RPL14: variants seen among roughly 807,000 people sequenced by gnomAD.
RPL14 encodes the protein ribosomal protein L14.
Under a neutral mutation model 25.3 loss-of-function variants are expected in RPL14, and 4 were observed. The ratio of observed to expected loss-of-function variants is 0.16; its 90% CI spans 0.08 to 0.36. RPL14 has a LOEUF of 0.36. Among genes scored for constraint, RPL14 ranks in the 10% least tolerant of loss-of-function variants. RPL14 has a pLI of 1.00. For missense variants in RPL14, 212 were observed against 261.9 expected (o/e 0.81, Z 1.31); for synonymous variants, 75 against 89.8 (o/e 0.84, Z 0.93).
chr3:40,458,267 A>C, intron 2 of RPL14: 1 of 542,214 alleles, frequency 1.8e-6, no homozygotes, highest in Non-Finnish European at 3.3e-6. Flanking sequence ...AGTTTAGAAC[A>C]GATCCAGCAC....
At chr3:40,458,333 TTGACCACTGACTATAAA>T in intron 2 of RPL14, 1 of 512,678 alleles carries the variant, frequency 2.0e-6, no homozygotes, top group Non-Finnish European at 3.5e-6. Flanking sequence ...AACTAAGGAG[TTGACCACTGACTATAAA>T]TCAGCAGGGA....
Position 40,462,258 on chromosome 3 carries a change from G to A in RPL14, c.*26G>A. 1 of 1,560,624 alleles carries A rather than the reference G, an allele frequency of 6.4e-7. No individual in the cohort carries two copies. The highest frequency in any genetic ancestry group is 8.6e-7 in the Non-Finnish European group (1 of 1,158,456). On this transcript the variant is annotated 3_prime_UTR_variant, in exon 6 of 6. Transcript: ENST00000396203. ...GTGGCAATCATAAAAAGTAATAAAG[G>A]TTCTTTTTGACCTGTTGACAAATGT...
At position 40,457,390 on chromosome 3, in the gene RPL14, G is replaced by T. The variant is rs760050758; in HGVS notation, c.-82G>T. The T allele has an allele frequency of 3.1e-6, 5 of 1,602,762 alleles. No homozygotes were observed. Among genetic ancestry groups the T allele is most frequent in the Non-Finnish European group, 4.3e-6 (5 of 1,174,316 alleles). On this transcript the variant is annotated 5_prime_UTR_variant, in exon 1 of 6. Coordinates refer to ENST00000396203, the MANE Select transcript of RPL14 (RefSeq NM_001034996.3). ...TGAGTCTTACTGTTGCGGGCTCCGG[G>T]GCCGTCGACCATGCCGCTCGACCTC...
chr3:40,462,029 ACTGCTGCTG>A lies in RPL14; in HGVS notation c.469_477del (p.Ala157_Ala159del), dbSNP rs57354599. The A allele has an allele frequency of 0.011, 17,456 of 1,555,830 alleles. 390 individuals carry two copies. Among genetic ancestry groups the A allele is most frequent in the African/African-American group, 0.097 (6,883 of 71,256 alleles). On this transcript the variant is annotated inframe_deletion, in exon 6 of 6. Transcript: ENST00000396203. ...CAAAAAAGCACCTGGTACTAAGGGT[ACTGCTGCTG>A]CTGCTGCTGCTGCTGCTGCTGCTAA...
chr3:40,457,657 C>T, intron 1 of RPL14, 183 bp downstream of exon 1: 2 of 666,424 alleles, frequency 3.0e-6, no homozygotes, highest in African/African-American at 3.6e-5. Context: ...AGAGCCTTGT[C>T]CTGCCGTGTG....
intron 3 of RPL14, among the ~76,000 whole-genome samples, chr3:40,460,820 G>T (rs1559528713): frequency 6.6e-6 from 1 of 152,106 alleles, no homozygotes; most frequent in Non-Finnish European, 1.5e-5. Context: ...GACCTCAGGT[G>T]ATCCACCCAT....
rs1474653344 is a variant in RPL14, at chr3:40,464,318, G to T, written c.*2086G>T. The T allele has an allele frequency of 8.1e-5, 30 of 368,210 alleles. No homozygotes were observed. The highest frequency in any genetic ancestry group is 1.3e-4 in the Non-Finnish European group (25 of 185,254). The allele number at this position is 368,210 out of a possible 1,614,324, so 22.8% of individuals were successfully genotyped here. On this transcript the variant is annotated 3_prime_UTR_variant, in exon 6 of 6. Coordinates refer to ENST00000396203, the MANE Select transcript of RPL14 (RefSeq NM_001034996.3). The stretch of plus-strand genomic sequence containing the variant: ...CAAAAGCTAGCTTCAGGCGTCACTG[G>T]GGTAAAGGAAAAAGCACATTGATTT...
Position 40,464,249 on chromosome 3 carries a change from C to T in RPL14, c.*2017C>T, listed in dbSNP as rs12633431. 0.68 allele frequency: 240,167 copies of T among 353,390 alleles called. 82,274 individuals carry two copies. The highest frequency in any genetic ancestry group is 0.75 in the African/African-American group (34,989 of 46,794). 21.9% of individuals were successfully genotyped at this position (353,390 alleles called of 1,614,324 possible). A position where few individuals can be genotyped will look rare whatever the true frequency, so the allele number is the denominator to read the frequency against. ...TGCTGGGATTACAGGCGTGAGCCAC[C>T]GCTTCTGGCCAGGAATACATTTTAA... On this transcript the variant is annotated 3_prime_UTR_variant, in exon 6 of 6. Coordinates refer to ENST00000396203, the MANE Select transcript of RPL14 (RefSeq NM_001034996.3).
chr3:40,468,091 C>G lies in RPL14; in HGVS notation c.*5859C>G, dbSNP rs765668373. 1.3e-5 allele frequency: 2 copies of G among 152,214 alleles called. No individual in the cohort carries two copies. The highest frequency in any genetic ancestry group is 2.9e-5 in the Non-Finnish European group (2 of 68,072). 9.4% of individuals were successfully genotyped at this position (152,214 alleles called of 1,614,324 possible). On this transcript the variant is annotated 3_prime_UTR_variant, in exon 6 of 6. Transcript: ENST00000396203. ...TGATCCTGACCTCGTGATCCACTCC[C>G]CAGTCTCCCAAAGTACTGGGATTAC... is the stretch of plus-strand genomic sequence containing the variant.
chr3:40,464,123 T>C lies in RPL14; in HGVS notation c.*1891T>C, dbSNP rs1696993516. 4.1e-6 allele frequency: 1 copy of C among 245,460 alleles called. No individual in the cohort carries two copies. Among genetic ancestry groups the C allele is most frequent in the East Asian group, 9.1e-5 (1 of 10,948 alleles). The allele number at this position is 245,460 out of a possible 1,614,324, so 15.2% of individuals were successfully genotyped here. On this transcript the variant is annotated 3_prime_UTR_variant, in exon 6 of 6. Transcript: ENST00000396203. ...CAGGGGTTAAATGCGTGTACCACCATGCCCCTCTAATATTGTATTAGAGAT... is the reference window on the plus strand; with the variant it reads ...CAGGGGTTAAATGCGTGTACCACCACGCCCCTCTAATATTGTATTAGAGAT...
intron 3 of RPL14, among the ~76,000 whole-genome samples, chr3:40,460,219 CTTGT>C (rs1374718197): frequency 4.0e-5 from 6 of 151,862 alleles, no homozygotes; most frequent in African/African-American, 1.2e-4. Context: ...TATTAATTAC[CTTGT>C]TTGTTACGAG....
chr3:40,457,488 G>A lies in RPL14; in HGVS notation c.3+14G>A, dbSNP rs1390801673. 3.2e-6 allele frequency: 5 copies of A among 1,539,826 alleles called. No individual in the cohort carries two copies. In the Admixed American group the frequency reaches 5.8e-5, roughly 18 times the overall value. ...GGGAAGCGCATGGTGAGGGTCCCCGGGCCGGCTGTGCAGCGGAATCGGGCC... is the reference window on the plus strand; with the variant it reads ...GGGAAGCGCATGGTGAGGGTCCCCGAGCCGGCTGTGCAGCGGAATCGGGCC... On this transcript the variant is annotated intron_variant, in intron 1 of 5. Transcript: ENST00000396203.
rs756259374 is a variant in RPL14 at position 40,462,091 on chromosome 3, G to A, written c.507G>A (p.Ala169=). The A allele has an allele frequency of 3.0e-5, 48 of 1,603,094 alleles. No individual in the cohort carries two copies. The highest frequency in any genetic ancestry group is 1.3e-4 in the South Asian group (12 of 90,698). ...AKVPAKKITA[A]SKKAPAQKVP... ...TTCCAGCAAAAAAGATCACCGCCGC[G>A]AGTAAAAAGGCTCCAGCCCAGAAGG... Residue 169 remains alanine (A), a synonymous_variant, in exon 6 of 6, where the codon GCG becomes GCA. Transcript: ENST00000396203.
intron 3 of RPL14, among the ~76,000 whole-genome samples, chr3:40,459,912 G>A (rs113984928): frequency 0.043 from 6,467 of 150,322 alleles, 422 homozygotes; most frequent in African/African-American, 0.15. Context: ...CAGGCACTGT[G>A]GGACGTGTAT....
rs1697061539 is a variant in RPL14, at chr3:40,468,549, A to C, written c.*6317A>C. On this transcript the variant is annotated 3_prime_UTR_variant, in exon 6 of 6. Transcript: ENST00000396203. The stretch of plus-strand genomic sequence containing the variant: ...TTTTAAATGTTTTCCTTTAGTTTCC[A>C]ACCACATTTTCAAATAAAATTTAGA... The C allele has an allele frequency of 6.6e-6, 1 of 152,162 alleles. No homozygotes were observed. Among genetic ancestry groups the C allele is most frequent in the Non-Finnish European group, 1.5e-5 (1 of 68,034 alleles). 9.4% of individuals were successfully genotyped at this position (152,162 alleles called of 1,614,324 possible).
chr3:40,467,125 T>C lies in RPL14; in HGVS notation c.*4893T>C, dbSNP rs867104999. 3 of 152,364 alleles carry C rather than the reference T, an allele frequency of 2.0e-5. No individual in the cohort carries two copies. In the East Asian group the frequency reaches 5.8e-4, roughly 29 times the overall value. 9.4% of individuals were successfully genotyped at this position (152,364 alleles called of 1,614,324 possible). A position where few individuals can be genotyped will look rare whatever the true frequency, so the allele number is the denominator to read the frequency against. Reference sequence around the variant, plus strand: ...TTTTTTAATGTGTTTGTAATATAGGTACATAAAAATATATGTGCTTGTTTT... The same window carrying C: ...TTTTTTAATGTGTTTGTAATATAGGCACATAAAAATATATGTGCTTGTTTT... On this transcript the variant is annotated 3_prime_UTR_variant, in exon 6 of 6. Coordinates refer to ENST00000396203, the MANE Select transcript of RPL14 (RefSeq NM_001034996.3).
chr3:40,459,021 A>T (rs1261958727), intron 3 of RPL14: 4 of 266,368 alleles, frequency 1.5e-5, no homozygotes, highest in Admixed American at 5.2e-5. Flanking sequence ...TACAAAAAAT[A>T]AAAAAAAAAT....
intron 2 of RPL14, chr3:40,458,272 C>T (rs1465772378): frequency 3.7e-6 from 2 of 535,686 alleles, no homozygotes; most frequent in African/African-American, 3.8e-5. Context: ...AGAACAGATC[C>T]AGCACGTAGA....
intron 3 of RPL14, among the ~76,000 whole-genome samples, chr3:40,460,403 A>G (rs1696918509): frequency 6.6e-6 from 1 of 151,962 alleles, no homozygotes. Flanking sequence ...CTGTAGCCCC[A>G]GCTATTTGGG....
Sources: allele counts gnomAD v4.1 joint callset (sites outside exome capture counted in the v4.1 genomes callset), GRCh38; gene constraint gnomAD v4.1.1; transcripts MANE v1.5; gene names NCBI Gene and HGNC (gene_info 2026-07-23, HGNC 2026-07-21).